SLC41A3: variants seen among roughly 807,000 people sequenced by gnomAD.
SLC41A3 encodes solute carrier family 41 member 3, also known as SLC41A1-like 2.
SLC41A3 carries 44 observed loss-of-function variants against 45.4 expected under a neutral mutation model. The ratio of observed to expected loss-of-function variants is 0.97; its 90% CI spans 0.76 to 1.25. The LOEUF (loss-of-function observed/expected upper bound fraction) is 1.25. Among genes scored for constraint, SLC41A3 ranks in the 50% most tolerant of loss-of-function variants. SLC41A3 has a pLI of 0.00. For synonymous variants in SLC41A3, 256 were observed against 252.4 expected (o/e 1.01, Z -0.13); for missense variants, 550 against 600.6 (o/e 0.92, Z 0.88).
intron 2 of SLC41A3, chr3:126,056,299 G>A: frequency 6.4e-7 from 1 of 1,573,730 alleles, no homozygotes. Context: ...TGTCTGTGGT[G>A]CCAGGAGACC....
chr3:126,009,252 G>T (rs1000448016), intron 9 of SLC41A3, among the ~76,000 whole-genome samples: 1 of 152,218 alleles, frequency 6.6e-6, no homozygotes, highest in Non-Finnish European at 1.5e-5. Context: ...GAATTTGGGG[G>T]AGAGGAGTTT....
chr3:126,085,790 T>TGGGG (rs1456155392), upstream of SLC41A3, among the ~76,000 whole-genome samples: 2 of 144,196 alleles, frequency 1.4e-5, no homozygotes, highest in Admixed American at 6.9e-5. Flanking sequence ...CAAAACGTGC[T>TGGGG]CCTGGGTGAC....
chr3:126,051,045 C>T lies in SLC41A3; in HGVS notation c.279G>A (p.Trp93Ter). The T allele has an allele frequency of 6.2e-7, 1 of 1,604,346 alleles. No homozygotes were observed. The highest frequency in any genetic ancestry group is 8.5e-7 in the Non-Finnish European group (1 of 1,174,558). Residue 93 changes from tryptophan (W) to a stop codon, truncating the protein, a stop_gained, in exon 3 of 11, where the codon TGG (tryptophan) becomes TGA (stop). Transcript: ENST00000360370. LOFTEE classifies it high-confidence loss of function. The part of the protein sequence containing the change: ...AGMLLDYFQH[W>*]PVFVEVKDLL... ...GGTCTTTCACCTCCACAAACACAGG[C>T]CAGTGCTGGTAGGGAAACAGTAAGG... is the stretch of plus-strand genomic sequence containing the variant.
At chr3:126,035,368 G>A (rs181498907) in intron 3 of SLC41A3, among the ~76,000 whole-genome samples, 1 of 152,304 alleles carries the variant, frequency 6.6e-6, no homozygotes, top group East Asian at 1.9e-4. Flanking sequence ...GAGGAGGGAA[G>A]GAGGCGAGAT....
chr3:126,076,708 C>T (rs11920522), intron 1 of SLC41A3, among the ~76,000 whole-genome samples: 51,262 of 152,086 alleles, frequency 0.34, 8,842 homozygotes, highest in African/African-American at 0.38. Flanking sequence ...CGAGGTGATA[C>T]TAGCCTCACT....
intron 1 of SLC41A3, among the ~76,000 whole-genome samples, chr3:126,075,418 C>T (rs558067209): frequency 1.3e-5 from 2 of 150,352 alleles, no homozygotes; most frequent in South Asian, 4.3e-4. Context: ...TTAATACAAT[C>T]CCTATTCAAA....
At chr3:126,077,942 A>C (rs1475434214) in intron 1 of SLC41A3, among the ~76,000 whole-genome samples, 1 of 152,176 alleles carries the variant, frequency 6.6e-6, no homozygotes, top group Non-Finnish European at 1.5e-5. Flanking sequence ...CGGTGGCAGG[A>C]ACGGTGCCCC....
chr3:126,012,569 G>C lies in SLC41A3; in HGVS notation c.1105+46C>G, dbSNP rs773368203. On this transcript the variant is annotated intron_variant, in intron 9 of 10. Transcript: ENST00000360370. ...ATTCCAATGACACCGATGTTTTCTT[G>C]TTTAAAGAAATGGCTATCATGGCCT... 4 of 1,607,660 alleles carry C rather than the reference G, an allele frequency of 2.5e-6. No homozygotes were observed. In the Admixed American group the frequency reaches 6.7e-5, roughly 27 times the overall value.
At chr3:126,063,743 A>T (rs1944194248) in intron 2 of SLC41A3, among the ~76,000 whole-genome samples, 1 of 152,216 alleles carries the variant, frequency 6.6e-6, no homozygotes, top group Non-Finnish European at 1.5e-5. Flanking sequence ...GACGGTGGCC[A>T]AGGCCCTCAT....
upstream of SLC41A3, among the ~76,000 whole-genome samples, chr3:126,087,064 G>T (rs183918102): frequency 1.4e-3 from 219 of 152,214 alleles, 2 homozygotes; most frequent in African/African-American, 4.2e-3. Context: ...TATTGATCAA[G>T]TAGCTTCATG....
chr3:126,101,098 C>G (rs1347578958), intron 1 of SLC41A3, among the ~76,000 whole-genome samples: 12 of 152,354 alleles, frequency 7.9e-5, no homozygotes, highest in Admixed American at 3.9e-4. Context: ...CCCTCCTTCC[C>G]CCGGGTCCAA....
intron 1 of SLC41A3, chr3:126,095,370 A>C: frequency 1.9e-6 from 1 of 523,558 alleles, no homozygotes; most frequent in South Asian, 2.9e-5. Flanking sequence ...CACCCACCGG[A>C]GGACAGATCA....
At chr3:126,014,759 G>A (rs1042614248) in intron 8 of SLC41A3, among the ~76,000 whole-genome samples, 11 of 152,212 alleles carry the variant, frequency 7.2e-5, no homozygotes, top group Non-Finnish European at 1.3e-4. Flanking sequence ...AGGGCCTGGG[G>A]GCTAAACTGG....
rs958190625 is a variant in SLC41A3 at position 126,015,394 on chromosome 3, G to A, written c.970+100C>T. ...GGCTCAGCTGCCCAACTGCCTGTGC[G>A]GGGCTGGTGCTGCCCCTCTGAGGTC... On this transcript the variant is annotated intron_variant, in intron 8 of 10. Coordinates refer to ENST00000360370, the MANE Select transcript of SLC41A3 (RefSeq NM_017836.4). 1.0e-5 allele frequency: 12 copies of A among 1,193,828 alleles called. 1 individual carries two copies. Among genetic ancestry groups the A allele is most frequent in the South Asian group, 5.3e-5 (4 of 75,038 alleles). 74.0% of individuals were successfully genotyped at this position (1,193,828 alleles called of 1,614,324 possible). A position where few individuals can be genotyped will look rare whatever the true frequency, so the allele number is the denominator to read the frequency against.
chr3:126,066,448 G>A (rs945116825), intron 2 of SLC41A3, among the ~76,000 whole-genome samples: 2 of 152,156 alleles, frequency 1.3e-5, no homozygotes, highest in Non-Finnish European at 2.9e-5. Context: ...AATATAACGC[G>A]TGAGTTTTGG....
chr3:126,075,512 C>G (rs1447215372), intron 1 of SLC41A3, among the ~76,000 whole-genome samples: 1 of 140,074 alleles, frequency 7.1e-6, no homozygotes, highest in African/African-American at 2.6e-5. Flanking sequence ...CAAGCTGATT[C>G]TAAAATGCAA....
At position 126,069,048 on chromosome 3, in the gene SLC41A3, G is replaced by A. The variant is rs148744358; in HGVS notation, c.-27-802C>T. On this transcript the variant is annotated intron_variant, in intron 1 of 10. Transcript: ENST00000360370. ...TCAACAGGGGTTTCGAAAAATTCCCGCACACTCTGGGCATCTATTAGGTTG... is the reference window on the plus strand; with the variant it reads ...TCAACAGGGGTTTCGAAAAATTCCCACACACTCTGGGCATCTATTAGGTTG... 8.1e-3 allele frequency among the ~76,000 whole-genome samples: 1,222 copies of A among 150,340 alleles called. 10 individuals carry two copies. Among genetic ancestry groups the A allele is most frequent in the Non-Finnish European group, 0.012 (811 of 67,386 alleles).
intron 2 of SLC41A3, among the ~76,000 whole-genome samples, chr3:126,058,402 G>A (rs1943809706): frequency 1.3e-5 from 2 of 152,164 alleles, no homozygotes; most frequent in South Asian, 2.1e-4. Flanking sequence ...GGATGAGCAT[G>A]TATCTCACTC....
rs1473061782 is a variant in SLC41A3 at position 126,015,057 on chromosome 3, T to G, written c.970+437A>C. 2.0e-5 allele frequency among the ~76,000 whole-genome samples: 3 copies of G among 152,032 alleles called. No homozygotes were observed. In the East Asian group the frequency reaches 5.8e-4, roughly 29 times the overall value. On this transcript the variant is annotated intron_variant, in intron 8 of 10. Coordinates refer to ENST00000360370, the MANE Select transcript of SLC41A3 (RefSeq NM_017836.4). ...AGTCTTAATTTTTAAGAAGAAGAAA[T>G]CCAGATTTTTAAGTGTAAATATCTG...
Sources: allele counts gnomAD v4.1 joint callset (sites outside exome capture counted in the v4.1 genomes callset), GRCh38; gene constraint gnomAD v4.1.1; transcripts MANE v1.5; gene names NCBI Gene and HGNC (gene_info 2026-07-23, HGNC 2026-07-21).